Variants in CXCL13 observed in about 807,000 individuals in gnomAD.
The protein encoded by CXCL13 is C-X-C motif chemokine ligand 13.
Under a neutral mutation model 12.2 loss-of-function variants are expected in CXCL13, and 7 were observed. The ratio of observed to expected loss-of-function variants is 0.57; its 90% CI spans 0.33 to 1.07. The LOEUF is 1.07. CXCL13 is among the 50% of genes least tolerant of loss of function. The pLI, the probability that CXCL13 is intolerant of heterozygous loss-of-function variation, is 0.04. For synonymous variants in CXCL13, 47 were observed against 42.4 expected, an observed-to-expected ratio of 1.11 and a Z score of -0.42; for missense variants, 113 against 127.4, an observed-to-expected ratio of 0.89 and a Z score of 0.55.
chr4:77,599,525 C>G (rs1578072252), intron 1 of CXCL13, among the ~76,000 whole-genome samples: 1 of 152,324 alleles, frequency 6.6e-6, no homozygotes, highest in Non-Finnish European at 1.5e-5. Flanking sequence ...GGAAGGCCGA[C>G]TGTATTCATT....
In CXCL13 at chr4:77,605,912, G is replaced by A. The variant is rs773818843; in HGVS notation, c.47G>A (p.Ser16Asn). Residue 16 changes from serine (S) to asparagine (N), a missense_variant, in exon 1 of 4, where the codon AGC (serine) becomes AAC (asparagine). By Grantham distance (46) the Ser-to-Asn change is conservative (BLOSUM62 1). Coordinates refer to ENST00000682537, the MANE Select transcript of CXCL13 (RefSeq NM_001371558.1). ...CTGCTTCTCATGCTGCTGGTCAGCAGCCTCTCTCCAGTCCAAGGTGAGAAA... is the reference window on the plus strand; with the variant it reads ...CTGCTTCTCATGCTGCTGGTCAGCAACCTCTCTCCAGTCCAAGGTGAGAAA... ...TSLLLMLLVS[S>N]LSPVQGVLEV... 1.1e-5 allele frequency: 17 copies of A among 1,605,468 alleles called. No homozygotes were observed. Among genetic ancestry groups the A allele is most frequent in the Non-Finnish European group, 1.4e-5 (17 of 1,174,304 alleles).
intron 2 of CXCL13, among the ~76,000 whole-genome samples, chr4:77,608,214 G>T (rs758584694): frequency 6.6e-6 from 1 of 152,242 alleles, no homozygotes; most frequent in South Asian, 2.1e-4. Context: ...GCCGAGGAGG[G>T]CGGATCACCT....
chr4:77,531,039 A>G (rs1724902781), intron 1 of CXCL13, among the ~76,000 whole-genome samples: 1 of 151,504 alleles, frequency 6.6e-6, no homozygotes, highest in East Asian at 1.9e-4. Flanking sequence ...TGTACCCAGT[A>G]GTCATTCAGG....
intron 1 of CXCL13, among the ~76,000 whole-genome samples, chr4:77,597,408 C>T (rs1726790184): frequency 6.6e-6 from 1 of 151,934 alleles, no homozygotes; most frequent in Non-Finnish European, 1.5e-5. Flanking sequence ...AAAAAGATTT[C>T]CATTCTTTTG....
intron 1 of CXCL13, among the ~76,000 whole-genome samples, chr4:77,570,732 G>A (rs1217538589): frequency 3.3e-5 from 5 of 152,162 alleles, no homozygotes; most frequent in South Asian, 2.1e-4. Flanking sequence ...CTGGGTGGGC[G>A]TGGGCTTGGT....
At chr4:77,583,565 C>T (rs1415630616) in intron 1 of CXCL13, among the ~76,000 whole-genome samples, 1 of 152,174 alleles carries the variant, frequency 6.6e-6, no homozygotes, top group Non-Finnish European at 1.5e-5. Context: ...TCAATGTGGG[C>T]CTTCTTGTGC....
At chr4:77,570,861 G>C (rs1286864082) in intron 1 of CXCL13, among the ~76,000 whole-genome samples, 1 of 152,006 alleles carries the variant, frequency 6.6e-6, no homozygotes, top group African/African-American at 2.4e-5. Context: ...GCCCACCGGT[G>C]CTGCGCTCGA....
At chr4:77,571,846 A>T (rs1726090429) in intron 1 of CXCL13, among the ~76,000 whole-genome samples, 1 of 151,048 alleles carries the variant, frequency 6.6e-6, no homozygotes, top group Non-Finnish European at 1.5e-5. Flanking sequence ...GAGCTGTAAC[A>T]CTCACCGCGA....
intron 1 of CXCL13, among the ~76,000 whole-genome samples, chr4:77,530,098 A>G (rs1272905287): frequency 1.3e-5 from 2 of 152,174 alleles, no homozygotes; most frequent in African/African-American, 2.4e-5. Context: ...GCATATGTTG[A>G]ACCAGCCTTG....
At chr4:77,553,950 C>A (rs1381242742) in intron 1 of CXCL13, among the ~76,000 whole-genome samples, 1 of 151,950 alleles carries the variant, frequency 6.6e-6, no homozygotes, top group East Asian at 1.9e-4. Flanking sequence ...ATGGCTGATG[C>A]CACATGGAAG....
upstream of CXCL13, among the ~76,000 whole-genome samples, chr4:77,602,690 A>G (rs577016243): frequency 8.3e-4 from 126 of 152,350 alleles, 6 homozygotes; most frequent in South Asian, 0.025. Context: ...ATCTGATGAT[A>G]AAAATCAGGT....
chr4:77,608,139 G>A (rs969046648), intron 2 of CXCL13, among the ~76,000 whole-genome samples: 1 of 152,086 alleles, frequency 6.6e-6, no homozygotes, highest in African/African-American at 2.4e-5. Context: ...CCATCAGAAA[G>A]GATTAGAAAG....
intron 1 of CXCL13, among the ~76,000 whole-genome samples, chr4:77,559,469 A>G (rs1011873675): frequency 3.3e-5 from 5 of 152,166 alleles, no homozygotes; most frequent in Non-Finnish European, 5.9e-5. Context: ...GGCTGTCTTC[A>G]CCTGGAGGCA....
At chr4:77,546,557 G>T (rs1228981640) in intron 1 of CXCL13, among the ~76,000 whole-genome samples, 1 of 152,202 alleles carries the variant, frequency 6.6e-6, no homozygotes, top group Non-Finnish European at 1.5e-5. Flanking sequence ...AGTATTCTCT[G>T]ATGGTAGTTT....
chr4:77,599,000 G>T (rs1030610910), intron 1 of CXCL13, among the ~76,000 whole-genome samples: 1 of 151,952 alleles, frequency 6.6e-6, no homozygotes, highest in African/African-American at 2.4e-5. Context: ...GTAGAGCCAG[G>T]GTTTCACCAT....
chr4:77,536,381 T>C (rs1725059554), intron 1 of CXCL13, among the ~76,000 whole-genome samples: 1 of 152,186 alleles, frequency 6.6e-6, no homozygotes. Context: ...CCCTTTTGGG[T>C]GTGGCTCCAT....
At chr4:77,541,628 T>C (rs776230759) in intron 1 of CXCL13, among the ~76,000 whole-genome samples, 2 of 152,210 alleles carry the variant, frequency 1.3e-5, no homozygotes, top group Non-Finnish European at 2.9e-5. Flanking sequence ...TATTGTGTAG[T>C]TTGAAGTCAG....
chr4:77,606,051 C>A (rs1224396156), intron 1 of CXCL13, 122 bp downstream of exon 1: 3 of 499,344 alleles, frequency 6.0e-6, no homozygotes, highest in Non-Finnish European at 1.1e-5. Context: ...CTGCTCTGTT[C>A]CTTCTAGATT....
intron 1 of CXCL13, among the ~76,000 whole-genome samples, chr4:77,540,811 T>C (rs1267768670): frequency 6.6e-6 from 1 of 152,190 alleles, no homozygotes; most frequent in Non-Finnish European, 1.5e-5. Flanking sequence ...TAGTTCCTTT[T>C]TAAGTTCTTT....
Sources: gnomAD v4.1 joint callset for allele counts (sites outside exome capture counted in the v4.1 genomes callset) on GRCh38, gnomAD v4.1.1 for gene constraint, MANE v1.5 for transcripts, NCBI Gene and HGNC (gene_info 2026-07-23, HGNC 2026-07-21) for gene names.